TRPM7: variants seen among roughly 807,000 people sequenced by gnomAD.
The protein encoded by TRPM7 is LTRPC ion channel family member 7.
Under a neutral mutation model 229.7 loss-of-function variants are expected in TRPM7, and 134 were observed. The observed-to-expected ratio is 0.58, with a 90% confidence interval of 0.51 to 0.67. TRPM7 has a LOEUF of 0.67. Among genes scored for constraint, TRPM7 ranks in the 30% least tolerant of loss-of-function variants. The pLI is 0.00. For missense variants in TRPM7, 1,901 were observed against 2,210.0 expected, an observed-to-expected ratio of 0.86 and a Z score of 2.80; for synonymous variants, 699 against 715.2, an observed-to-expected ratio of 0.98 and a Z score of 0.36.
intron 1 of TRPM7, among the ~76,000 whole-genome samples, chr15:50,679,470 T>G (rs1486449442): frequency 7.6e-5 from 10 of 131,968 alleles, no homozygotes; most frequent in African/African-American, 3.3e-4. Flanking sequence ...AGGTTTTATT[T>G]CATTTATATA....
At chr15:50,586,879 G>A (rs1005586135) in intron 27 of TRPM7, among the ~76,000 whole-genome samples, 1 of 152,148 alleles carries the variant, frequency 6.6e-6, no homozygotes, top group Non-Finnish European at 1.5e-5. Context: ...AGCTGGTTGT[G>A]GTGGCGCATG....
chr15:50,572,276 AC>A (rs1365703237), intron 36 of TRPM7, among the ~76,000 whole-genome samples: 1 of 152,102 alleles, frequency 6.6e-6, no homozygotes, highest in Non-Finnish European at 1.5e-5. Context: ...ACAGAAAGAG[AC>A]CCTGCCTCTA....
intron 12 of TRPM7, among the ~76,000 whole-genome samples, chr15:50,620,582 T>C (rs1208805045): frequency 2.0e-5 from 3 of 152,228 alleles, no homozygotes; most frequent in South Asian, 4.1e-4. Flanking sequence ...ATGACTACAA[T>C]TGATATTGCA....
chr15:50,585,302 A>G (rs1028677882), intron 28 of TRPM7, among the ~76,000 whole-genome samples: 1 of 152,144 alleles, frequency 6.6e-6, no homozygotes, highest in African/African-American at 2.4e-5. Flanking sequence ...ACCTCAGGTG[A>G]TCCACCTGCC....
At position 50,594,422 on chromosome 15, in the gene TRPM7, T is replaced by C. The variant is rs1453324611; in HGVS notation, c.3475+7A>G. The C allele has an allele frequency of 6.2e-7, 1 of 1,600,808 alleles. No homozygotes were observed. ...TGAAAACATTTGCCTTAATATAGTT[T>C]ACTTACTTGGTCCATCGGAAGTCTT... On this transcript the variant is annotated splice_region_variant and intron_variant, in intron 24 of 38. Transcript: ENST00000646667.
intron 11 of TRPM7, among the ~76,000 whole-genome samples, chr15:50,626,240 T>C (rs2060555869): frequency 6.6e-6 from 1 of 152,126 alleles, no homozygotes; most frequent in Non-Finnish European, 1.5e-5. Context: ...TTCTGTCTTA[T>C]TACAATTAGG....
In TRPM7 at chr15:50,627,834, G is replaced by C. The variant is rs369578969; in HGVS notation, c.1305+315C>G. On this transcript the variant is annotated intron_variant, in intron 11 of 38. Transcript: ENST00000646667. Reference sequence around the variant, plus strand: ...TGTTCCCATTTAGTAGGATGAGGAAGACTAAAAAAGGAATAGGTCTAAACA... The same window carrying C: ...TGTTCCCATTTAGTAGGATGAGGAACACTAAAAAAGGAATAGGTCTAAACA... 1.7e-4 allele frequency among the ~76,000 whole-genome samples: 26 copies of C among 152,250 alleles called. No individual in the cohort carries two copies. The South Asian group carries it at 5.4e-3, about 32-fold the overall frequency.
At chr15:50,662,524 T>C (rs1440742221) in intron 2 of TRPM7, among the ~76,000 whole-genome samples, 1 of 152,206 alleles carries the variant, frequency 6.6e-6, no homozygotes, top group Admixed American at 6.5e-5. Flanking sequence ...TCTGTATCTA[T>C]ATATTGGCAA....
intron 1 of TRPM7, among the ~76,000 whole-genome samples, chr15:50,672,708 G>A (rs141477662): frequency 1.1e-3 from 164 of 151,794 alleles, no homozygotes; most frequent in African/African-American, 3.8e-3. Flanking sequence ...TCACGAGTTC[G>A]AGACCAGCCT....
chr15:50,686,431 GCATGGAACGCGGCTCCCCACA>G, intron 1 of TRPM7, 79 bp downstream of exon 1: 1 of 1,592,900 alleles, frequency 6.3e-7, no homozygotes, highest in Non-Finnish European at 8.6e-7. Flanking sequence ...GTCCTTCGCC[GCATGGAACGCGGCTCCCCACA>G]CACTTGCCTG....
intron 1 of TRPM7, among the ~76,000 whole-genome samples, chr15:50,685,349 C>T (rs770370886): frequency 3.9e-5 from 6 of 152,126 alleles, no homozygotes; most frequent in African/African-American, 9.7e-5. Context: ...CCCAGCTACT[C>T]GGGAGCCTGA....
intron 1 of TRPM7, among the ~76,000 whole-genome samples, chr15:50,678,128 C>G (rs2062138230): frequency 6.6e-6 from 1 of 151,014 alleles, no homozygotes; most frequent in South Asian, 2.1e-4. Flanking sequence ...GTAGTCCCAG[C>G]TACTCGGGAG....
intron 38 of TRPM7, among the ~76,000 whole-genome samples, chr15:50,566,008 A>G (rs2053582310): frequency 6.6e-6 from 1 of 151,960 alleles, no homozygotes; most frequent in African/African-American, 2.4e-5. Context: ...ATTTTTTAGT[A>G]GAGATGGGGT....
At chr15:50,671,430 T>C (rs1365968416) in intron 1 of TRPM7, among the ~76,000 whole-genome samples, 4 of 152,204 alleles carry the variant, frequency 2.6e-5, no homozygotes, top group East Asian at 3.8e-4. Context: ...CATACTGTCA[T>C]GTGCCACATA....
chr15:50,632,854 C>T lies in TRPM7; in HGVS notation c.1131+15G>A, dbSNP rs756482077. On this transcript the variant is annotated intron_variant, in intron 9 of 38. Coordinates refer to ENST00000646667, the MANE Select transcript of TRPM7 (RefSeq NM_017672.6). ...GGCCTATCAGCTTTTTAAATTTCTG[C>T]TGAAATCTACTTACAAGCTCCTTTC... 3.3e-6 allele frequency: 5 copies of T among 1,504,394 alleles called. No homozygotes were observed. The highest frequency in any genetic ancestry group is 4.4e-6 in the Non-Finnish European group (5 of 1,133,610). 93.2% of individuals were successfully genotyped at this position (1,504,394 alleles called of 1,614,324 possible). A position where few individuals can be genotyped will look rare whatever the true frequency, so the allele number is the denominator to read the frequency against.
At chr15:50,574,753 A>G (rs765579409) in intron 34 of TRPM7, 34 bp from the exon 35 acceptor site, 4 of 1,593,610 alleles carry the variant, frequency 2.5e-6, no homozygotes, top group Non-Finnish European at 3.4e-6. Context: ...ACCCTTGTTT[A>G]ATATTTAAAC....
At chr15:50,610,981 A>ACC in intron 17 of TRPM7, 112 bp downstream of exon 17, 3 of 791,162 alleles carry the variant, frequency 3.8e-6, no homozygotes, top group Non-Finnish European at 6.0e-6. Context: ...CTCCCTCTTT[A>ACC]CCCCCCACCA....
intron 4 of TRPM7, among the ~76,000 whole-genome samples, chr15:50,644,196 A>C (rs2061191698): frequency 6.6e-6 from 1 of 152,226 alleles, no homozygotes; most frequent in African/African-American, 2.4e-5. Context: ...TCTCCAGTTT[A>C]ATTTTTGAAA....
chr15:50,585,010 G>C (rs1022546491), intron 28 of TRPM7, among the ~76,000 whole-genome samples: 5 of 150,236 alleles, frequency 3.3e-5, no homozygotes, highest in African/African-American at 7.4e-5. Flanking sequence ...CGAGTAGCTG[G>C]GATTACAGAC....
Sources: gnomAD v4.1 joint callset for allele counts (sites outside exome capture counted in the v4.1 genomes callset) on GRCh38, gnomAD v4.1.1 for gene constraint, MANE v1.5 for transcripts, NCBI Gene and HGNC (gene_info 2026-07-23, HGNC 2026-07-21) for gene names.